NINJ2: variants seen among roughly 807,000 people sequenced by gnomAD.
NINJ2 encodes ninjurin 2.
Under a neutral mutation model 11.7 loss-of-function variants are expected in NINJ2, and 12 were observed. The observed-to-expected ratio is 1.02, with a 90% CI of 0.66 to 1.66. The LOEUF (loss-of-function observed/expected upper bound fraction) is 1.66, where lower values mean the gene tolerates loss of function less well. Among genes scored for constraint, NINJ2 ranks in the 40% most tolerant of loss-of-function variants. NINJ2 has a pLI of 0.00. For synonymous variants in NINJ2, 93 were observed against 76.8 expected (o/e 1.21, Z -1.10); for missense variants, 187 against 181.8 (o/e 1.03, Z -0.16).
At chr12:600,656 GTGT>G (rs1947854676) in intron 1 of NINJ2, among the ~76,000 whole-genome samples, 136 of 16,916 alleles carry the variant, frequency 8.0e-3, no homozygotes, top group African/African-American at 0.013. Flanking sequence ...TTTTTGGGGT[GTGT>G]GTGTGTGTGT....
chr12:619,947 G>T (rs1244449794), intron 1 of NINJ2, among the ~76,000 whole-genome samples: 1 of 152,204 alleles, frequency 6.6e-6, no homozygotes, highest in Non-Finnish European at 1.5e-5. Context: ...TTATAGTGAG[G>T]ACTAAGTGAG....
intron 1 of NINJ2, among the ~76,000 whole-genome samples, chr12:634,693 A>AG (rs1948326892): frequency 6.6e-6 from 1 of 152,146 alleles, no homozygotes; most frequent in Admixed American, 6.6e-5. Context: ...CAAGATATTA[A>AG]GGGGGGATGA....
intron 1 of NINJ2, chr12:644,800 C>T (rs1479846638): frequency 6.6e-6 from 1 of 152,084 alleles, no homozygotes; most frequent in South Asian, 2.1e-4. Context: ...ATTTAGTAAG[C>T]GATACGGGTA....
chr12:646,275 A>G (rs1039852541), intron 1 of NINJ2, among the ~76,000 whole-genome samples: 3 of 152,118 alleles, frequency 2.0e-5, no homozygotes, highest in Non-Finnish European at 1.5e-5. Context: ...GTGAAGCGAA[A>G]TCTCAGCTTT....
Position 580,637 on chromosome 12 carries a change from T to C in NINJ2, c.34-14459A>G, listed in dbSNP as rs1005115797. Among the ~76,000 whole-genome samples, 1 of 151,940 alleles carries C rather than the reference T, an allele frequency of 6.6e-6. No homozygotes were observed. The highest frequency in any genetic ancestry group is 1.5e-5 in the Non-Finnish European group (1 of 68,014). ...TATATCCATTTGTCATTCACTGCATTCAGAAGAGACTTCAAAGGCAGGACC... is the reference window on the plus strand; with the variant it reads ...TATATCCATTTGTCATTCACTGCATCCAGAAGAGACTTCAAAGGCAGGACC... On this transcript the variant is annotated intron_variant, in intron 1 of 3. Transcript: ENST00000305108. This position sits in a 1 kb window ranked among gnomAD's most constrained non-coding sequence, Gnocchi z 4.7.
chr12:582,780 A>G (rs71435016), intron 1 of NINJ2, among the ~76,000 whole-genome samples: 3 of 81,378 alleles, frequency 3.7e-5, no homozygotes, highest in Non-Finnish European at 7.0e-5. Flanking sequence ...CAGGCATGCT[A>G]GAGTGAATGA....
At chr12:630,906 G>A (rs1360198707) in intron 1 of NINJ2, 3 of 152,322 alleles carry the variant, frequency 2.0e-5, no homozygotes, top group Admixed American at 6.5e-5. Flanking sequence ...CAAGCCTGAC[G>A]TTCTAGGGGG....
intron 1 of NINJ2, among the ~76,000 whole-genome samples, chr12:594,535 T>A (rs1183884059): frequency 6.6e-6 from 1 of 152,044 alleles, no homozygotes; most frequent in African/African-American, 2.4e-5. Context: ...TGACTGTAAT[T>A]CCAACACTTT....
At chr12:584,902 G>A (rs1272468825) in intron 1 of NINJ2, among the ~76,000 whole-genome samples, 1 of 151,320 alleles carries the variant, frequency 6.6e-6, no homozygotes, top group Non-Finnish European at 1.5e-5. Context: ...GGAGGCGGGT[G>A]GATCAGGAGT....
intron 1 of NINJ2, among the ~76,000 whole-genome samples, chr12:658,707 T>TATGCTATGCTA (rs1937910492): frequency 1.2e-5 from 1 of 82,362 alleles, no homozygotes; most frequent in African/African-American, 4.5e-5. Flanking sequence ...TATGCTATGC[T>TATGCTATGCTA]ATGCTATGCT....
chr12:599,799 C>T (rs974778138), intron 1 of NINJ2, among the ~76,000 whole-genome samples: 12 of 152,286 alleles, frequency 7.9e-5, no homozygotes, highest in Non-Finnish European at 7.4e-5. Context: ...TGGACCTGCA[C>T]CCCAGCACGC....
intron 1 of NINJ2, among the ~76,000 whole-genome samples, chr12:596,526 G>C (rs1461626126): frequency 6.6e-6 from 1 of 152,082 alleles, no homozygotes; most frequent in Admixed American, 6.6e-5. Flanking sequence ...GAATTTCGCT[G>C]TGAATTTTAC....
chr12:628,096 T>C lies in NINJ2; in HGVS notation c.33+35232A>G, dbSNP rs1166197429. On this transcript the variant is annotated intron_variant, in intron 1 of 3. Coordinates refer to ENST00000305108, the MANE Select transcript of NINJ2 (RefSeq NM_016533.6). The surrounding 1 kb of genome is among the most constrained non-coding windows in gnomAD (Gnocchi z 4.4). The stretch of plus-strand genomic sequence containing the variant: ...CTGGCCATGGGGACAGAGAGCTGGA[T>C]CCAAAGGTCAAGGCTGAGTTTGCCA... Among the ~76,000 whole-genome samples, 1 of 152,070 alleles carries C rather than the reference T, an allele frequency of 6.6e-6. No homozygotes were observed. Among genetic ancestry groups the C allele is most frequent in the East Asian group, 1.9e-4 (1 of 5,138 alleles).
intron 1 of NINJ2, among the ~76,000 whole-genome samples, chr12:621,316 T>C (rs1948149826): frequency 6.6e-6 from 1 of 151,638 alleles, no homozygotes; most frequent in Non-Finnish European, 1.5e-5. Context: ...TAGCCAGGCA[T>C]GATGGCACAC....
At chr12:602,358 T>C (rs1470304033) in intron 1 of NINJ2, among the ~76,000 whole-genome samples, 3 of 152,230 alleles carry the variant, frequency 2.0e-5, no homozygotes, top group African/African-American at 7.2e-5. Context: ...CTGTATCGAT[T>C]TTGGATAGTT....
intron 1 of NINJ2, among the ~76,000 whole-genome samples, chr12:618,060 C>T (rs1363474837): frequency 2.0e-5 from 3 of 151,866 alleles, no homozygotes; most frequent in Admixed American, 6.6e-5. Flanking sequence ...ATAAAAGCCT[C>T]CTCTCTCTCC....
At position 608,056 on chromosome 12, in the gene NINJ2, C is replaced by CTGTG. The variant is rs533650296; in HGVS notation, c.34-41882_34-41879dup. The stretch of plus-strand genomic sequence containing the variant: ...GTGTTCCATCTGGGCCCTCGGTGTG[C>CTGTG]TGTGGATGGATGGAGGATGAGTATC... On this transcript the variant is annotated intron_variant, in intron 1 of 3. Transcript: ENST00000305108. 2.6e-4 allele frequency among the ~76,000 whole-genome samples: 40 copies of CTGTG among 152,304 alleles called. No individual in the cohort carries two copies. The South Asian group carries it at 8.3e-3, about 32-fold the overall frequency.
chr12:600,397 C>CA (rs1250172821), intron 1 of NINJ2, among the ~76,000 whole-genome samples: 1 of 151,746 alleles, frequency 6.6e-6, no homozygotes, highest in Non-Finnish European at 1.5e-5. Context: ...TACTAAAATA[C>CA]AAAAAAAGTT....
At chr12:641,821 G>T (rs1948420670) in intron 1 of NINJ2, among the ~76,000 whole-genome samples, 1 of 149,798 alleles carries the variant, frequency 6.7e-6, no homozygotes, top group Non-Finnish European at 1.5e-5. Context: ...CTCCAGCCTG[G>T]GCGACAGAGC....
Sources: allele counts gnomAD v4.1 joint callset (sites outside exome capture counted in the v4.1 genomes callset), GRCh38; gene constraint gnomAD v4.1.1; non-coding constraint Gnocchi (gnomAD v3.1); transcripts MANE v1.5; gene names NCBI Gene and HGNC (gene_info 2026-07-23, HGNC 2026-07-21).